The following LRBA variants were observed in gnomAD, a reference collection of about 807,000 sequenced individuals.
LRBA encodes the protein lipopolysaccharide-responsive and beige-like anchor protein.
A neutral mutation model predicts 330.0 loss-of-function variants in LRBA; 176 were observed. That is an observed-to-expected ratio of 0.53 (90% confidence interval 0.47 to 0.60). The LOEUF (loss-of-function observed/expected upper bound fraction) is 0.60, where lower values mean the gene tolerates loss of function less well. LRBA is among the 20% of genes least tolerant of loss of function. The probability of loss-of-function intolerance (pLI) is 0.00; values close to 1 mark genes in which losing one functional copy is unlikely to be tolerated. For missense variants in LRBA, 3,259 were observed against 3,444.8 expected, an observed-to-expected ratio of 0.95 and a Z score of 1.35; for synonymous variants, 1,230 against 1,193.0, an observed-to-expected ratio of 1.03 and a Z score of -0.64.
intron 53 of LRBA, 43 bp downstream of exon 53, chr4:150,302,582 T>C: frequency 2.0e-6 from 3 of 1,468,282 alleles, no homozygotes; most frequent in Non-Finnish European, 2.8e-6. Flanking sequence ...TGTTATTCTC[T>C]ACATCCTTGT....
chr4:150,639,369 A>C (rs1778276613), intron 37 of LRBA, among the ~76,000 whole-genome samples: 1 of 148,108 alleles, frequency 6.8e-6, no homozygotes, highest in East Asian at 2.0e-4. Flanking sequence ...ATAAAAAAAA[A>C]AAAGAAAAAA....
chr4:150,818,567 T>TGC (rs1578881812), intron 30 of LRBA, among the ~76,000 whole-genome samples: 1 of 149,286 alleles, frequency 6.7e-6, no homozygotes, highest in Non-Finnish European at 1.5e-5. Context: ...TGTGTGTGCG[T>TGC]GCACGAATGT....
intron 36 of LRBA, among the ~76,000 whole-genome samples, chr4:150,718,023 G>A (rs2127067154): frequency 6.6e-6 from 1 of 152,166 alleles, no homozygotes; most frequent in African/African-American, 2.4e-5. Flanking sequence ...ATGATTGCCA[G>A]GAAACTTGTA....
At chr4:150,539,111 G>C (rs1195971327) in intron 40 of LRBA, among the ~76,000 whole-genome samples, 1 of 152,022 alleles carries the variant, frequency 6.6e-6, no homozygotes, top group Non-Finnish European at 1.5e-5. Context: ...GAGTAGCTGG[G>C]ACTATGGGCA....
chr4:150,671,041 T>TGTGTGTGTGAGA (rs779665914), intron 37 of LRBA, among the ~76,000 whole-genome samples: 5 of 142,744 alleles, frequency 3.5e-5, no homozygotes, highest in Non-Finnish European at 7.6e-5. Flanking sequence ...TGTGTGTGTG[T>TGTGTGTGTGAGA]GAGAGAGAGA....
chr4:150,662,668 C>A (rs1781225687), intron 37 of LRBA, among the ~76,000 whole-genome samples: 1 of 152,142 alleles, frequency 6.6e-6, no homozygotes, highest in Admixed American at 6.5e-5. Context: ...ATATTTCACT[C>A]CAAAATCTAC....
intron 33 of LRBA, among the ~76,000 whole-genome samples, chr4:150,802,256 G>C (rs531050933): frequency 6.8e-6 from 1 of 147,646 alleles, no homozygotes; most frequent in Non-Finnish European, 1.5e-5. Context: ...CAAAATTTTG[G>C]GTAAAGCAAT....
chr4:150,578,989 C>A, intron 40 of LRBA: 1 of 300,770 alleles, frequency 3.3e-6, no homozygotes, highest in South Asian at 3.1e-5. Flanking sequence ...TGTCAAGGAC[C>A]ATCAGATTTC....
intron 2 of LRBA, among the ~76,000 whole-genome samples, chr4:151,012,495 G>C (rs1278305120): frequency 1.3e-5 from 2 of 152,118 alleles, no homozygotes; most frequent in Admixed American, 1.3e-4. Context: ...AATCAGAAAG[G>C]AAATGTTTCA....
At chr4:150,528,408 G>A (rs1313456370) in intron 40 of LRBA, among the ~76,000 whole-genome samples, 1 of 151,726 alleles carries the variant, frequency 6.6e-6, no homozygotes, top group Non-Finnish European at 1.5e-5. Context: ...TGCTGAGGCA[G>A]GAGAATGGCG....
At position 150,321,304 on chromosome 4, in the gene LRBA, T is replaced by C. The variant is rs1237728831; in HGVS notation, c.7517A>G (p.Asn2506Ser). 1.2e-6 allele frequency: 2 copies of C among 1,606,544 alleles called. No individual in the cohort carries two copies. The highest frequency in any genetic ancestry group is 1.3e-5 in the African/African-American group (1 of 74,160). Residue 2506 changes from asparagine (N) to serine (S), a missense_variant, in exon 50 of 57, where the codon AAC (asparagine) becomes AGC (serine). Coordinates refer to ENST00000651943, the MANE Select transcript of LRBA (RefSeq NM_001364905.1). This position sits in a 1 kb window ranked among gnomAD's most constrained non-coding sequence, Gnocchi z 4.5. ...DVIMVLKFPS[N>S]SPVTHVAANT... ...GGCTGCCACGTGAGTAACAGGGGAG[T>C]TGGAGGGAAACTTGAGGACCATGAT...
Position 150,852,871 on chromosome 4 carries a change from TTTC to T in LRBA, c.2836_2838del (p.Glu946del), listed in dbSNP as rs1450532671. The stretch of plus-strand genomic sequence containing the variant: ...ACTGAAGTTGAAGAACACAGCCCTA[TTTC>T]TTCATCAACTTTTCCTTGCTGTTCC... On this transcript the variant is annotated inframe_deletion, in exon 23 of 57. Coordinates refer to ENST00000651943, the MANE Select transcript of LRBA (RefSeq NM_001364905.1). 6.2e-7 allele frequency: 1 copy of T among 1,610,470 alleles called. No individual in the cohort carries two copies. Among genetic ancestry groups the T allele is most frequent in the Non-Finnish European group, 8.5e-7 (1 of 1,178,506 alleles).
At chr4:150,299,938 A>G (rs1729446552) in intron 53 of LRBA, among the ~76,000 whole-genome samples, 1 of 152,080 alleles carries the variant, frequency 6.6e-6, no homozygotes. Context: ...CAATATAGGA[A>G]TACACATAAC....
chr4:151,012,550 C>T (rs1176667429), intron 2 of LRBA, among the ~76,000 whole-genome samples: 1 of 152,216 alleles, frequency 6.6e-6, no homozygotes, highest in Non-Finnish European at 1.5e-5. Context: ...TTATCTTCCT[C>T]AGACTTACAT....
chr4:150,641,937 A>G (rs574304494), intron 37 of LRBA, among the ~76,000 whole-genome samples: 1 of 152,170 alleles, frequency 6.6e-6, no homozygotes, highest in South Asian at 2.1e-4. Flanking sequence ...TTTATTACAC[A>G]CTGGATGGTA....
At chr4:150,420,145 G>A (rs1448299816) in intron 46 of LRBA, among the ~76,000 whole-genome samples, 2 of 150,244 alleles carry the variant, frequency 1.3e-5, no homozygotes, top group Admixed American at 6.6e-5. Context: ...TCGAGAGATT[G>A]ATGTGGGAAG....
intron 56 of LRBA, among the ~76,000 whole-genome samples, chr4:150,274,705 T>C (rs1354645984): frequency 6.6e-6 from 1 of 152,172 alleles, no homozygotes; most frequent in Non-Finnish European, 1.5e-5. Context: ...AAGAAATGGA[T>C]ACATTCTTGG....
At chr4:150,363,588 A>G (rs568946786) in intron 47 of LRBA, among the ~76,000 whole-genome samples, 2 of 152,302 alleles carry the variant, frequency 1.3e-5, no homozygotes, top group East Asian at 3.9e-4. Flanking sequence ...CATCTTTCTC[A>G]CTGCTGTATA....
intron 28 of LRBA, among the ~76,000 whole-genome samples, chr4:150,832,340 T>TA (rs1747331140): frequency 6.6e-6 from 1 of 152,180 alleles, no homozygotes; most frequent in South Asian, 2.1e-4. Context: ...CTCACACCTG[T>TA]AATCCCAGTA....
Sources: gnomAD v4.1 joint callset for allele counts (sites outside exome capture counted in the v4.1 genomes callset) on GRCh38, gnomAD v4.1.1 for gene constraint, Gnocchi (gnomAD v3.1) non-coding constraint, MANE v1.5 for transcripts, NCBI Gene and HGNC (gene_info 2026-07-23, HGNC 2026-07-21) for gene names.